DTNB: variants seen among roughly 807,000 people sequenced by gnomAD.
DTNB encodes dystrobrevin beta.
In DTNB, 63 loss-of-function variants were observed where a neutral mutation model predicts 90.7. The observed-to-expected ratio is 0.69, with a 90% CI of 0.57 to 0.86. The LOEUF is 0.86. DTNB is among the 40% of genes least tolerant of loss of function. The pLI, the probability that DTNB is intolerant of heterozygous loss-of-function variation, is 0.00. For synonymous variants in DTNB, 277 were observed against 286.7 expected (o/e 0.97, Z 0.34); for missense variants, 744 against 807.1 (o/e 0.92, Z 0.95).
chr2:25,638,005 T>C (rs2077457945), intron 3 of DTNB, among the ~76,000 whole-genome samples: 1 of 152,166 alleles, frequency 6.6e-6, no homozygotes, highest in Admixed American at 6.5e-5. Flanking sequence ...GTGGCACATA[T>C]ACACCATGGA....
At chr2:25,445,391 C>T (rs1178290556) in intron 12 of DTNB, among the ~76,000 whole-genome samples, 1 of 152,128 alleles carries the variant, frequency 6.6e-6, no homozygotes, top group African/African-American at 2.4e-5. Context: ...GAGTCAGATA[C>T]GTGAGCTGAC....
intron 1 of DTNB, chr2:25,672,759 G>T (rs1429209088): frequency 6.6e-6 from 1 of 152,136 alleles, no homozygotes; most frequent in Non-Finnish European, 1.5e-5. Flanking sequence ...CGTGGCCCCA[G>T]TGCTGACTAC....
chr2:25,423,572 G>A (rs1259751570), intron 15 of DTNB, among the ~76,000 whole-genome samples: 1 of 152,126 alleles, frequency 6.6e-6, no homozygotes, highest in African/African-American at 2.4e-5. Context: ...TTGTCCATCT[G>A]ACTAACTGCT....
chr2:25,501,869 A>T (rs2070796913), intron 9 of DTNB, among the ~76,000 whole-genome samples: 1 of 152,176 alleles, frequency 6.6e-6, no homozygotes, highest in African/African-American at 2.4e-5. Flanking sequence ...GTTATAGTAA[A>T]ACTTCAGATT....
intron 7 of DTNB, among the ~76,000 whole-genome samples, chr2:25,579,020 C>T (rs143104573): frequency 1.4e-4 from 22 of 152,158 alleles, no homozygotes; most frequent in Non-Finnish European, 3.1e-4. Context: ...AAAAATATTA[C>T]AAACCATATA....
At position 25,388,377 on chromosome 2, in the gene DTNB, C is replaced by T; in HGVS notation, c.1576-16G>A. 1 of 1,588,830 alleles carries T rather than the reference C, an allele frequency of 6.3e-7. No individual in the cohort carries two copies. The highest frequency in any genetic ancestry group is 8.6e-7 in the Non-Finnish European group (1 of 1,164,816). On this transcript the variant is annotated splice_polypyrimidine_tract_variant and intron_variant, in intron 16 of 20. Coordinates refer to ENST00000406818, the MANE Select transcript of DTNB (RefSeq NM_021907.5). The stretch of plus-strand genomic sequence containing the variant: ...TGGCCTGAGCCTGGAGATTCAAAGA[C>T]AGAAAATACGTTATCTCAAGTACCT...
chr2:25,388,910 G>A (rs769611545), intron 16 of DTNB, among the ~76,000 whole-genome samples: 3 of 151,794 alleles, frequency 2.0e-5, no homozygotes, highest in African/African-American at 4.8e-5. Flanking sequence ...GCAGTGGCAC[G>A]ATCTCAGCTC....
chr2:25,436,431 G>A (rs2055798997), intron 12 of DTNB, among the ~76,000 whole-genome samples: 1 of 152,072 alleles, frequency 6.6e-6, no homozygotes. Context: ...TCTCACTGAG[G>A]GCTCCACGAT....
intron 1 of DTNB, among the ~76,000 whole-genome samples, chr2:25,665,036 C>A (rs1574230693): frequency 6.6e-6 from 1 of 152,186 alleles, no homozygotes. Context: ...ACACTCTGTT[C>A]TATTCATAGA....
At position 25,414,382 on chromosome 2, in the gene DTNB, G is replaced by A. The variant is rs532851113; in HGVS notation, c.1575+5133C>T. ...CGCCATTCTCCTGCCTCAGCCTCCT[G>A]AGTAGCTGGGACTACAGGTGCACAA... On this transcript the variant is annotated intron_variant, in intron 16 of 20. Transcript: ENST00000406818. Among the ~76,000 whole-genome samples the A allele has an allele frequency of 1.1e-4, 17 of 152,266 alleles. No individual in the cohort carries two copies. In the South Asian group the frequency reaches 2.9e-3, roughly 26 times the overall value.
intron 2 of DTNB, among the ~76,000 whole-genome samples, chr2:25,643,606 C>T (rs770092579): frequency 6.6e-6 from 1 of 152,158 alleles, no homozygotes; most frequent in Non-Finnish European, 1.5e-5. Flanking sequence ...CAGAGGAGGA[C>T]AATCAAAGTA....
intron 9 of DTNB, among the ~76,000 whole-genome samples, chr2:25,488,940 C>T (rs868467253): frequency 6.6e-6 from 1 of 152,162 alleles, no homozygotes; most frequent in South Asian, 2.1e-4. Flanking sequence ...CGTGAGCCAC[C>T]AAGTCTGGCC....
At chr2:25,477,799 T>TA (rs1167544068) in intron 10 of DTNB, among the ~76,000 whole-genome samples, 2 of 152,276 alleles carry the variant, frequency 1.3e-5, no homozygotes, top group Non-Finnish European at 2.9e-5. Context: ...TGAGTACCTC[T>TA]ACCTTTTCCA....
intron 1 of DTNB, among the ~76,000 whole-genome samples, chr2:25,658,408 T>C (rs6546341): frequency 7.2e-5 from 11 of 152,192 alleles, no homozygotes; most frequent in Admixed American, 2.6e-4. Context: ...GATCCAATAA[T>C]TGCACTGCTA....
chr2:25,508,144 A>C (rs1490583089), intron 9 of DTNB, among the ~76,000 whole-genome samples: 1 of 152,176 alleles, frequency 6.6e-6, no homozygotes, highest in Non-Finnish European at 1.5e-5. Flanking sequence ...TTATTTATTA[A>C]GATTTTTGCC....
intron 1 of DTNB, among the ~76,000 whole-genome samples, chr2:25,661,443 A>C (rs1455443458): frequency 6.6e-6 from 1 of 152,252 alleles, no homozygotes; most frequent in African/African-American, 2.4e-5. Flanking sequence ...ACTCAAGACT[A>C]AACTATAATA....
chr2:25,515,052 A>G (rs1237773678), intron 9 of DTNB, among the ~76,000 whole-genome samples: 2 of 152,198 alleles, frequency 1.3e-5, no homozygotes, highest in African/African-American at 4.8e-5. Context: ...GGTTGAATCA[A>G]AGGGAATATA....
Position 25,616,954 on chromosome 2 carries a change from G to GAAAAAAAA in DTNB, c.363-9641_363-9634dup, listed in dbSNP as rs900643862. Among the ~76,000 whole-genome samples, 27 of 97,444 alleles carry GAAAAAAAA rather than the reference G, an allele frequency of 2.8e-4. 3 individuals are homozygous for GAAAAAAAA. Among genetic ancestry groups the GAAAAAAAA allele is most frequent in the Non-Finnish European group, 3.5e-4 (18 of 51,640 alleles). 63.9% of individuals were successfully genotyped at this position (97,444 alleles called of 152,430 possible). On this transcript the variant is annotated intron_variant, in intron 4 of 20. Coordinates refer to ENST00000406818, the MANE Select transcript of DTNB (RefSeq NM_021907.5). ...CTCAAAAAAAAAAAAAAAAAAAAAG[G>GAAAAAAAA]AAAAAAAAGACTCATTAACCCCTCA...
chr2:25,631,583 A>G (rs1330811372), intron 3 of DTNB, among the ~76,000 whole-genome samples: 1 of 151,930 alleles, frequency 6.6e-6, no homozygotes, highest in Non-Finnish European at 1.5e-5. Flanking sequence ...CAAAAAAAAA[A>G]AAAGAAAGAA....
Sources: allele counts gnomAD v4.1 joint callset (sites outside exome capture counted in the v4.1 genomes callset), GRCh38; gene constraint gnomAD v4.1.1; transcripts MANE v1.5; gene names NCBI Gene and HGNC (gene_info 2026-07-23, HGNC 2026-07-21).